Variants in YWHAE observed in about 807,000 individuals in gnomAD.
The protein encoded by YWHAE is tyrosine 3-monooxygenase/tryptophan 5-monooxygenase activation protein epsilon, also known as 14-3-3 protein epsilon.
Under a neutral mutation model 30.1 loss-of-function variants are expected in YWHAE, and 4 were observed. The ratio of observed to expected loss-of-function variants is 0.13; its 90% CI spans 0.07 to 0.30. The LOEUF is 0.30. YWHAE is among the 10% of genes least tolerant of loss of function. The pLI is 1.00. For missense variants in YWHAE, 121 were observed against 315.9 expected, an observed-to-expected ratio of 0.38 and a Z score of 4.68; for synonymous variants, 118 against 111.8, an observed-to-expected ratio of 1.06 and a Z score of -0.35.
chr17:1,365,686 T>C (rs558371078), intron 1 of YWHAE, among the ~76,000 whole-genome samples: 6 of 152,324 alleles, frequency 3.9e-5, no homozygotes, highest in East Asian at 3.9e-4. Context: ...GGCGTGTGAA[T>C]GCAAAGCGCC....
intron 1 of YWHAE, among the ~76,000 whole-genome samples, chr17:1,372,558 C>T (rs1206253424): frequency 6.6e-6 from 1 of 152,212 alleles, no homozygotes; most frequent in Non-Finnish European, 1.5e-5. Context: ...GGGACTCTTC[C>T]TTTCTCTTAA....
At chr17:1,353,452 AAAAG>A (rs1567956638) in intron 5 of YWHAE, among the ~76,000 whole-genome samples, 51 of 105,858 alleles carry the variant, frequency 4.8e-4, no homozygotes, top group African/African-American at 8.2e-4. Flanking sequence ...AAAAAAAAAG[AAAAG>A]AAAAGAAAAG....
intron 1 of YWHAE, among the ~76,000 whole-genome samples, chr17:1,381,468 C>T (rs1356645089): frequency 1.3e-5 from 2 of 152,078 alleles, no homozygotes; most frequent in East Asian, 3.9e-4. Flanking sequence ...GAGATTGTGT[C>T]ACTGCACTCC....
intron 1 of YWHAE, among the ~76,000 whole-genome samples, chr17:1,394,460 A>AAAAAAAAAAAAAAAAAAAAAAAAAC (rs1555647412): frequency 2.2e-5 from 3 of 137,626 alleles, no homozygotes; most frequent in Admixed American, 7.4e-5. Flanking sequence ...AAAAAAAAAA[A>AAAAAAAAAAAAAAAAAAAAAAAAAC]ACACAAAAAT....
At chr17:1,371,218 G>A (rs1037147741) in intron 1 of YWHAE, among the ~76,000 whole-genome samples, 1 of 151,160 alleles carries the variant, frequency 6.6e-6, no homozygotes, top group Non-Finnish European at 1.5e-5. Flanking sequence ...GAGTAGCTGG[G>A]ACTACAGGTG....
chr17:1,385,984 T>C (rs897421211), intron 1 of YWHAE, among the ~76,000 whole-genome samples: 1 of 152,088 alleles, frequency 6.6e-6, no homozygotes, highest in Non-Finnish European at 1.5e-5. Flanking sequence ...AGAAACTCCT[T>C]CCGAAGTGGA....
intron 1 of YWHAE, among the ~76,000 whole-genome samples, chr17:1,395,364 C>T (rs1209370018): frequency 6.6e-6 from 1 of 151,884 alleles, no homozygotes; most frequent in African/African-American, 2.4e-5. Context: ...CTCGTCTCTA[C>T]TAAAAATACA....
chr17:1,349,711 C>T (rs1483764327), intron 5 of YWHAE, among the ~76,000 whole-genome samples: 5 of 151,272 alleles, frequency 3.3e-5, no homozygotes, highest in African/African-American at 1.2e-4. Context: ...CCTCTGGGTT[C>T]ACCCCATTCT....
intron 1 of YWHAE, among the ~76,000 whole-genome samples, chr17:1,381,579 G>A (rs1057144021): frequency 7.2e-5 from 11 of 151,994 alleles, no homozygotes; most frequent in Admixed American, 7.2e-4. Flanking sequence ...GTAAAGGGGG[G>A]AGGGGAATTT....
chr17:1,400,039 C>A lies in YWHAE; in HGVS notation c.64+8G>T. The A allele has an allele frequency of 6.2e-7, 1 of 1,613,822 alleles. No individual in the cohort carries two copies. Among genetic ancestry groups the A allele is most frequent in the Non-Finnish European group, 8.5e-7 (1 of 1,179,750 alleles). The stretch of plus-strand genomic sequence containing the variant: ...GAATTCCAGCCCCCCGTTGCCCCCC[C>A]AACTCACCGTCGTATCGCTCAGCCT... On this transcript the variant is annotated splice_region_variant and intron_variant, in intron 1 of 5. Coordinates refer to ENST00000264335, the MANE Select transcript of YWHAE (RefSeq NM_006761.5).
intron 1 of YWHAE, among the ~76,000 whole-genome samples, chr17:1,376,746 G>A (rs2073130612): frequency 6.6e-6 from 1 of 152,156 alleles, no homozygotes; most frequent in Non-Finnish European, 1.5e-5. Context: ...AATCATAAAA[G>A]GAGCAGGTCT....
intron 4 of YWHAE, 95 bp from the exon 5 acceptor site, chr17:1,354,442 A>C: frequency 8.2e-7 from 1 of 1,222,850 alleles, no homozygotes; most frequent in Non-Finnish European, 1.1e-6. Flanking sequence ...CAGTTATTCC[A>C]GTTTGTAATA....
intron 4 of YWHAE, among the ~76,000 whole-genome samples, chr17:1,358,849 G>C (rs1481134040): frequency 3.4e-5 from 4 of 118,860 alleles, no homozygotes; most frequent in Non-Finnish European, 7.5e-5. Context: ...AAAAAAAAAG[G>C]GCTGGCCAAG....
Position 1,362,010 on chromosome 17 carries a change from T to TG in YWHAE, c.265-3_265-2insC. On this transcript the variant is annotated splice_polypyrimidine_tract_variant and splice_region_variant and intron_variant, in intron 2 of 5. Coordinates refer to ENST00000264335, the MANE Select transcript of YWHAE (RefSeq NM_006761.5). ...GATTAACTTTAGCTCAGTCTCAACC[T>TG]AAAAAAAAAAAAATTTTTTTTAAAT... The TG allele has an allele frequency of 8.4e-7, 1 of 1,184,804 alleles. No individual in the cohort carries two copies. 73.4% of individuals were successfully genotyped at this position (1,184,804 alleles called of 1,614,324 possible).
At chr17:1,392,384 A>T (rs1447351073) in intron 1 of YWHAE, among the ~76,000 whole-genome samples, 1 of 152,096 alleles carries the variant, frequency 6.6e-6, no homozygotes, top group Non-Finnish European at 1.5e-5. Context: ...TCAAAAAAGT[A>T]TATGTATCTA....
intron 2 of YWHAE, among the ~76,000 whole-genome samples, chr17:1,362,714 C>A (rs936081866): frequency 2.6e-5 from 4 of 152,108 alleles, no homozygotes; most frequent in African/African-American, 4.8e-5. Flanking sequence ...CTGAACCTTT[C>A]ATGAGGGTCC....
intron 1 of YWHAE, among the ~76,000 whole-genome samples, chr17:1,376,630 T>C (rs2073128870): frequency 6.6e-6 from 1 of 152,108 alleles, no homozygotes; most frequent in Non-Finnish European, 1.5e-5. Flanking sequence ...TCTAATATCT[T>C]TACATCAACA....
chr17:1,369,261 C>CGA (rs1322204302), intron 1 of YWHAE, among the ~76,000 whole-genome samples: 2 of 152,024 alleles, frequency 1.3e-5, no homozygotes, highest in Non-Finnish European at 2.9e-5. Flanking sequence ...CTTGGGAGGC[C>CGA]GAGGTGGGTG....
chr17:1,394,445 A>AAAAAAAAAAAAAAACAAAAAC (rs2073434811), intron 1 of YWHAE, among the ~76,000 whole-genome samples: 1 of 142,586 alleles, frequency 7.0e-6, no homozygotes, highest in African/African-American at 2.9e-5. Flanking sequence ...ACAAAAAAAA[A>AAAAAAAAAAAAAAACAAAAAC]AAAAAAAAAA....
Sources: gnomAD v4.1 joint callset for allele counts (sites outside exome capture counted in the v4.1 genomes callset) on GRCh38, gnomAD v4.1.1 for gene constraint, MANE v1.5 for transcripts, NCBI Gene and HGNC (gene_info 2026-07-23, HGNC 2026-07-21) for gene names.